The following MXD3 variants were observed in gnomAD, a reference collection of about 807,000 sequenced individuals.
MXD3 encodes the protein MAX dimerization protein 3, also known as Max-associated protein 3.
In MXD3, 20 loss-of-function variants were observed where a neutral mutation model predicts 27.5. That is an observed-to-expected ratio of 0.73 (90% CI 0.51 to 1.06). The LOEUF (loss-of-function observed/expected upper bound fraction) is 1.06. MXD3 is among the 50% of genes least tolerant of loss of function. The pLI is 0.00. For missense variants in MXD3, 298 were observed against 291.3 expected, an observed-to-expected ratio of 1.02 and a Z score of -0.17; for synonymous variants, 150 against 130.7, an observed-to-expected ratio of 1.15 and a Z score of -1.01.
chr5:177,311,958 G>T, upstream of MXD3: 1 of 1,330,844 alleles, frequency 7.5e-7, no homozygotes, highest in Non-Finnish European at 9.7e-7. Flanking sequence ...GGGACGCCCC[G>T]CCCGCGGGAA....
At chr5:177,307,156 G>A (rs868812271), downstream of MXD3, 2 of 1,546,366 alleles carry the variant, frequency 1.3e-6, no homozygotes, top group Non-Finnish European at 1.7e-6. Flanking sequence ...TCTTCCAGTG[G>A]GTCTGTGGTT....
At chr5:177,305,572 G>C (rs1170134605), downstream of MXD3, 2 of 381,582 alleles carry the variant, frequency 5.2e-6, no homozygotes, top group African/African-American at 4.2e-5. Context: ...CTAAAACACT[G>C]CATGCGTCTA....
intron 3 of MXD3, 31 bp downstream of exon 3, chr5:177,310,637 C>A (rs1428287182): frequency 6.2e-7 from 1 of 1,614,162 alleles, no homozygotes; most frequent in South Asian, 1.1e-5. Flanking sequence ...CCCCTGGGGG[C>A]TGGCGCTGTC....
chr5:177,312,420 G>C, upstream of MXD3: 2 of 984,662 alleles, frequency 2.0e-6, no homozygotes, highest in Non-Finnish European at 2.4e-6. Flanking sequence ...GCCCTCTCCC[G>C]CCGCTGATCC....
chr5:177,311,783 CTCG>C lies in MXD3; in HGVS notation c.45_47del (p.Glu16del). The stretch of plus-strand genomic sequence containing the variant: ...CACCTCTCTCACGGCGCTCCAGGAA[CTCG>C]GCCGCCTGCAGCAGGACCTGGATGT... On this transcript the variant is annotated inframe_deletion, in exon 1 of 6. Coordinates refer to ENST00000439742, the MANE Select transcript of MXD3 (RefSeq NM_031300.4). 6.2e-7 allele frequency: 1 copy of C among 1,613,352 alleles called. No individual in the cohort carries two copies. The highest frequency in any genetic ancestry group is 8.5e-7 in the Non-Finnish European group (1 of 1,179,648).
chr5:177,311,224 T>A (rs943419197), intron 2 of MXD3, 155 bp downstream of exon 2: 1 of 528,544 alleles, frequency 1.9e-6, no homozygotes, highest in African/African-American at 2.0e-5. Context: ...GGTGTGAGTG[T>A]GTTTGGAGAG....
rs892209820 is a variant in MXD3 at position 177,307,358 on chromosome 5, G to T, written c.*230C>A. 60 of 1,520,674 alleles carry T rather than the reference G, an allele frequency of 3.9e-5. No individual in the cohort carries two copies. Among genetic ancestry groups the T allele is most frequent in the Non-Finnish European group, 5.1e-5 (57 of 1,122,246 alleles). The allele number at this position is 1,520,674 out of a possible 1,614,324, so 94.2% of individuals were successfully genotyped here. A position where few individuals can be genotyped will look rare whatever the true frequency, so the allele number is the denominator to read the frequency against. ...GCTTGGGCTCGGGCCCAAGCTGCCT[G>T]CCCTGCAGGGGTCCAGGGAGGTCCT... is the stretch of plus-strand genomic sequence containing the variant. On this transcript the variant is annotated 3_prime_UTR_variant, in exon 6 of 6. Transcript: ENST00000439742.
intron 1 of MXD3, 116 bp from the exon 2 acceptor site, chr5:177,311,600 C>A: frequency 1.8e-6 from 2 of 1,133,216 alleles, no homozygotes; most frequent in South Asian, 1.7e-5. Context: ...TTCCCCCACC[C>A]GTCCCTGCTC....
chr5:177,306,380 T>C (rs1436510178), downstream of MXD3: 2 of 1,613,084 alleles, frequency 1.2e-6, no homozygotes, highest in African/African-American at 1.3e-5. Context: ...AGGTTGGTCT[T>C]TCAGGCATCT....
chr5:177,307,557 G>A lies in MXD3; in HGVS notation c.*31C>T, dbSNP rs1264878115. ...CTGGCAAGTGGGCCTGGCACGAGTAGAGGGCAGAGGCCCGCCCTGGGTGAG... is the reference window on the plus strand; with the variant it reads ...CTGGCAAGTGGGCCTGGCACGAGTAAAGGGCAGAGGCCCGCCCTGGGTGAG... On this transcript the variant is annotated 3_prime_UTR_variant, in exon 6 of 6. Coordinates refer to ENST00000439742, the MANE Select transcript of MXD3 (RefSeq NM_031300.4). 24 of 1,607,372 alleles carry A rather than the reference G, an allele frequency of 1.5e-5. No individual in the cohort carries two copies. Among genetic ancestry groups the A allele is most frequent in the Non-Finnish European group, 2.0e-5 (23 of 1,178,310 alleles).
downstream of MXD3, chr5:177,306,231 C>G (rs753970231): frequency 1.3e-6 from 2 of 1,583,758 alleles, no homozygotes; most frequent in African/African-American, 2.7e-5. Context: ...TTCAGCCTAG[C>G]GGGCGTGGAG....
chr5:177,307,221 G>A lies in MXD3; in HGVS notation c.*367C>T, dbSNP rs1222385445. On this transcript the variant is annotated 3_prime_UTR_variant, in exon 6 of 6. Coordinates refer to ENST00000439742, the MANE Select transcript of MXD3 (RefSeq NM_031300.4). Reference sequence around the variant, plus strand: ...CTATGGACGGGAAGTTATGAAAGAGGCTTTTAATGAAAATACTGTACAGTT... The same window carrying A: ...CTATGGACGGGAAGTTATGAAAGAGACTTTTAATGAAAATACTGTACAGTT... The A allele has an allele frequency of 7.1e-6, 11 of 1,551,684 alleles. No homozygotes were observed. Among genetic ancestry groups the A allele is most frequent in the Non-Finnish European group, 8.7e-6 (10 of 1,146,982 alleles).
chr5:177,311,024 C>T (rs1761021819), intron 2 of MXD3: 5 of 563,572 alleles, frequency 8.9e-6, no homozygotes, highest in South Asian at 2.2e-5. Context: ...GAGGGAGGGG[C>T]ATTCAAATAG....
chr5:177,308,397 G>C (rs1434037587), intron 4 of MXD3, among the ~76,000 whole-genome samples: 2 of 151,406 alleles, frequency 1.3e-5, no homozygotes, highest in Non-Finnish European at 2.9e-5. Flanking sequence ...TTTTGAAACA[G>C]AGTCTCGCTC....
At chr5:177,306,156 A>G (rs1363447844), downstream of MXD3, 4 of 1,613,744 alleles carry the variant, frequency 2.5e-6, no homozygotes, top group South Asian at 1.1e-5. Flanking sequence ...GGTTTTGAAT[A>G]TATCTTGGCT....
downstream of MXD3, chr5:177,307,116 G>C (rs1264468870): frequency 5.3e-6 from 8 of 1,510,334 alleles, no homozygotes; most frequent in South Asian, 8.9e-5. Context: ...ACGGCCAACA[G>C]TGTCAGTGAT....
chr5:177,310,393 G>A, intron 4 of MXD3, 33 bp downstream of exon 4: 2 of 1,568,324 alleles, frequency 1.3e-6, no homozygotes, highest in East Asian at 2.3e-5. Flanking sequence ...ATACACCAGG[G>A]CAAGCCAGTC....
At chr5:177,312,218 C>G, upstream of MXD3, 1 of 991,422 alleles carries the variant, frequency 1.0e-6, no homozygotes, top group Non-Finnish European at 1.2e-6. Context: ...TAGCCCCCAA[C>G]ATAGCACGGC....
chr5:177,311,915 G>C (rs1288867629), upstream of MXD3: 7 of 1,487,024 alleles, frequency 4.7e-6, no homozygotes, highest in East Asian at 7.8e-5. Flanking sequence ...TAACTGACAC[G>C]GTGCAACAAA....
Sources: allele counts gnomAD v4.1 joint callset (sites outside exome capture counted in the v4.1 genomes callset), GRCh38; gene constraint gnomAD v4.1.1; transcripts MANE v1.5; gene names NCBI Gene and HGNC (gene_info 2026-07-23, HGNC 2026-07-21).